IL1RAP: variants seen among roughly 807,000 people sequenced by gnomAD.
The protein encoded by IL1RAP is interleukin 1 receptor accessory protein.
A neutral mutation model predicts 60.7 loss-of-function variants in IL1RAP; 35 were observed. That is an observed-to-expected ratio of 0.58 (90% confidence interval 0.44 to 0.76). The LOEUF (loss-of-function observed/expected upper bound fraction) is 0.76. Among genes scored for constraint, IL1RAP ranks in the 30% least tolerant of loss-of-function variants. The pLI, the probability that IL1RAP is intolerant of heterozygous loss-of-function variation, is 0.00. For missense variants in IL1RAP, 572 were observed against 693.9 expected, an observed-to-expected ratio of 0.82 and a Z score of 1.97; for synonymous variants, 268 against 250.9, an observed-to-expected ratio of 1.07 and a Z score of -0.64.
intron 3 of IL1RAP, among the ~76,000 whole-genome samples, chr3:190,590,515 A>G (rs1728854791): frequency 1.3e-5 from 2 of 152,150 alleles, no homozygotes; most frequent in South Asian, 4.1e-4. Flanking sequence ...TCGGCCTCCC[A>G]AAATGCTGGG....
Position 190,536,536 on chromosome 3 carries a change from T to A in IL1RAP, c.-88-19594T>A, listed in dbSNP as rs559402174. The stretch of plus-strand genomic sequence containing the variant: ...GGTAGATGCTAGGGACCCTAATGAT[T>A]TTTAAGTAATCCTGAAGAAAATTAC... On this transcript the variant is annotated intron_variant, in intron 1 of 11. Coordinates refer to ENST00000447382, the MANE Select transcript of IL1RAP (RefSeq NM_002182.4). 2.5e-4 allele frequency among the ~76,000 whole-genome samples: 38 copies of A among 152,296 alleles called. 1 individual carries two copies. In the South Asian group the frequency reaches 7.2e-3, roughly 29 times the overall value.
At chr3:190,590,148 C>T (rs1421804316) in intron 3 of IL1RAP, among the ~76,000 whole-genome samples, 2 of 152,160 alleles carry the variant, frequency 1.3e-5, no homozygotes, top group African/African-American at 4.8e-5. Context: ...TTATTTACCG[C>T]TAACAACAGC....
rs755467059 is a variant in IL1RAP, at chr3:190,620,319, T to G, written c.582T>G (p.Gly194=). The change falls in exon 6 of 12, where the codon GGT becomes GGG. Residue 194 remains glycine (G), a synonymous_variant. Transcript: ENST00000447382. The part of the protein sequence containing the change: ...IQNFNNVIPE[G]MNLSFLIALI... ...ATTTTAATAATGTAATACCCGAAGGTATGAACTTGAGTTTCCTCATTGCCT... is the reference window on the plus strand; with the variant it reads ...ATTTTAATAATGTAATACCCGAAGGGATGAACTTGAGTTTCCTCATTGCCT... 1.1e-5 allele frequency: 17 copies of G among 1,596,956 alleles called. No individual in the cohort carries two copies. The Admixed American group carries it at 2.5e-4, about 24-fold the overall frequency.
In IL1RAP at chr3:190,598,589, A is replaced by T. The variant is rs190951875; in HGVS notation, c.65-5539A>T. Among the ~76,000 whole-genome samples the T allele has an allele frequency of 3.5e-3, 525 of 151,980 alleles. 5 individuals are homozygous for T. Among genetic ancestry groups the T allele is most frequent in the African/African-American group, 0.01 (421 of 41,480 alleles). On this transcript the variant is annotated intron_variant, in intron 3 of 11. Coordinates refer to ENST00000447382, the MANE Select transcript of IL1RAP (RefSeq NM_002182.4). ...CACAGATTTTTAAGGTCAATATATT[A>T]AAAAAAATCAAAATAATTATATACT...
intron 1 of IL1RAP, among the ~76,000 whole-genome samples, chr3:190,550,966 T>C (rs1724809844): frequency 1.3e-5 from 2 of 152,228 alleles, no homozygotes; most frequent in Non-Finnish European, 2.9e-5. Context: ...TATCTGTTTC[T>C]ACATACACCT....
intron 1 of IL1RAP, among the ~76,000 whole-genome samples, chr3:190,525,714 C>CA (rs1211903522): frequency 6.6e-6 from 1 of 152,130 alleles, no homozygotes; most frequent in African/African-American, 2.4e-5. Context: ...AAAGGGAAAA[C>CA]AAAAACCCAG....
intron 9 of IL1RAP, among the ~76,000 whole-genome samples, chr3:190,635,663 G>A (rs1037966875): frequency 5.3e-5 from 8 of 151,952 alleles, no homozygotes; most frequent in Non-Finnish European, 8.8e-5. Flanking sequence ...TTTCCAGATC[G>A]TTTTACTACA....
intron 3 of IL1RAP, among the ~76,000 whole-genome samples, chr3:190,598,468 T>A (rs1481967912): frequency 6.6e-6 from 1 of 152,128 alleles, no homozygotes; most frequent in East Asian, 1.9e-4. Flanking sequence ...ATAGAATGGG[T>A]TTGCCAACTG....
At chr3:190,635,031 G>C (rs57549596) in intron 9 of IL1RAP, among the ~76,000 whole-genome samples, 27,706 of 151,996 alleles carry the variant, frequency 0.18, 3,710 homozygotes, top group African/African-American at 0.37. Context: ...TTCTTTTTGG[G>C]AAAGCTTTTA....
At chr3:190,523,307 G>A (rs528683122) in intron 1 of IL1RAP, among the ~76,000 whole-genome samples, 1 of 151,792 alleles carries the variant, frequency 6.6e-6, no homozygotes, top group African/African-American at 2.4e-5. Flanking sequence ...TTTATTCTGT[G>A]GCATTTGGTA....
At chr3:190,631,265 C>T (rs1478080987) in intron 9 of IL1RAP, among the ~76,000 whole-genome samples, 1 of 152,132 alleles carries the variant, frequency 6.6e-6, no homozygotes, top group East Asian at 1.9e-4. Context: ...AAATTAATAA[C>T]TTATTGTCAA....
rs1167445179 is a variant in IL1RAP, at chr3:190,634,707, G to GTTTTTTTTTT, written c.1051+5211_1051+5220dup. On this transcript the variant is annotated intron_variant, in intron 9 of 11. Transcript: ENST00000447382. ...TCATATAACTATCTGGGCCTGTTGT[G>GTTTTTTTTTT]TTTTTTTTTTTGTTGTTGTTTTTTT... Among the ~76,000 whole-genome samples the GTTTTTTTTTT allele has an allele frequency of 3.0e-3, 408 of 134,596 alleles. 33 individuals are homozygous for GTTTTTTTTTT. Among genetic ancestry groups the GTTTTTTTTTT allele is most frequent in the African/African-American group, 0.012 (387 of 33,588 alleles). 88.3% of individuals were successfully genotyped at this position (134,596 alleles called of 152,430 possible).
At chr3:190,585,250 T>C (rs1170447931) in intron 3 of IL1RAP, among the ~76,000 whole-genome samples, 1 of 152,116 alleles carries the variant, frequency 6.6e-6, no homozygotes, top group Admixed American at 6.5e-5. Context: ...AATGCAGTCT[T>C]TCTCAACTTG....
intron 3 of IL1RAP, among the ~76,000 whole-genome samples, chr3:190,592,058 C>T (rs1728989674): frequency 6.6e-6 from 1 of 152,210 alleles, no homozygotes; most frequent in Non-Finnish European, 1.5e-5. Context: ...CTCGCTCTGT[C>T]TCCCAGGCTG....
At chr3:190,578,479 G>T (rs1345114847) in intron 3 of IL1RAP, among the ~76,000 whole-genome samples, 1 of 152,148 alleles carries the variant, frequency 6.6e-6, no homozygotes, top group African/African-American at 2.4e-5. Context: ...TAGAAACTTT[G>T]TAATGGAAAA....
At position 190,530,746 on chromosome 3, in the gene IL1RAP, C is replaced by T. The variant is rs573881660; in HGVS notation, c.-89+16527C>T. Reference sequence around the variant, plus strand: ...ATCCTATAAAAACAAATACTTATTACGTAGTAAATTAAGACTTTGGGGCTT... The same window carrying T: ...ATCCTATAAAAACAAATACTTATTATGTAGTAAATTAAGACTTTGGGGCTT... On this transcript the variant is annotated intron_variant, in intron 1 of 11. Transcript: ENST00000447382. Among the ~76,000 whole-genome samples, 4 of 152,300 alleles carry T rather than the reference C, an allele frequency of 2.6e-5. No individual in the cohort carries two copies. In the Middle Eastern group the frequency reaches 0.01, roughly 389 times the overall value.
chr3:190,650,971 ATT>A lies in IL1RAP; in HGVS notation c.*2268_*2269del. ...CTAGAAATACCTTGATGTTTTTTCT[ATT>A]TATATGCCTGCCTTTGGTACTTAAT... On this transcript the variant is annotated 3_prime_UTR_variant, in exon 12 of 12. Transcript: ENST00000447382. The A allele has an allele frequency of 2.0e-6, 2 of 985,350 alleles. No individual in the cohort carries two copies. The highest frequency in any genetic ancestry group is 2.4e-6 in the Non-Finnish European group (2 of 829,868). 61.0% of individuals were successfully genotyped at this position (985,350 alleles called of 1,614,324 possible). A position where few individuals can be genotyped will look rare whatever the true frequency, so the allele number is the denominator to read the frequency against.
chr3:190,580,054 G>A (rs149043809), intron 3 of IL1RAP, among the ~76,000 whole-genome samples: 12 of 152,126 alleles, frequency 7.9e-5, no homozygotes, highest in South Asian at 2.1e-4. Flanking sequence ...ACAAGTTTTT[G>A]TGTGGACATA....
At position 190,514,763 on chromosome 3, in the gene IL1RAP, G is replaced by A. The variant is rs140419330; in HGVS notation, c.-89+544G>A. On this transcript the variant is annotated intron_variant, in intron 1 of 11. Transcript: ENST00000447382. ...TCAGAGGGTGTCGGACCAGCTTCTG[G>A]AGGAGCGCGGGGAGAGAGGAGCGAG... 3.2e-3 allele frequency among the ~76,000 whole-genome samples: 485 copies of A among 152,304 alleles called. 2 individuals carry two copies. Among genetic ancestry groups the A allele is most frequent in the Middle Eastern group, 6.8e-3 (2 of 294 alleles).
Sources: allele counts gnomAD v4.1 joint callset (sites outside exome capture counted in the v4.1 genomes callset), GRCh38; gene constraint gnomAD v4.1.1; transcripts MANE v1.5; gene names NCBI Gene and HGNC (gene_info 2026-07-23, HGNC 2026-07-21).